RHOBTB3: variants seen among roughly 807,000 people sequenced by gnomAD.
RHOBTB3 encodes the protein Rho related BTB domain containing 3, also known as rho-related BTB domain-containing protein 3.
In RHOBTB3, 47 loss-of-function variants were observed where a neutral mutation model predicts 67.2. The observed-to-expected ratio is 0.70, with a 90% CI of 0.55 to 0.89. RHOBTB3 has a LOEUF of 0.89. Ranked by LOEUF, RHOBTB3 falls within the 40% of genes least tolerant of loss-of-function variation. RHOBTB3 has a pLI of 0.00. For synonymous variants in RHOBTB3, 273 were observed against 274.2 expected, an observed-to-expected ratio of 1.00 and a Z score of 0.04; for missense variants, 631 against 750.0, an observed-to-expected ratio of 0.84 and a Z score of 1.85.
intron 5 of RHOBTB3, among the ~76,000 whole-genome samples, chr5:95,753,112 G>C (rs1745139041): frequency 6.6e-6 from 1 of 152,004 alleles, no homozygotes; most frequent in Non-Finnish European, 1.5e-5. Flanking sequence ...ACTCTGGCCT[G>C]GGCGACAGAG....
At chr5:95,764,063 G>A (rs193058436) in intron 7 of RHOBTB3, among the ~76,000 whole-genome samples, 2 of 152,274 alleles carry the variant, frequency 1.3e-5, no homozygotes, top group East Asian at 1.9e-4. Context: ...GCCCACCGTA[G>A]CCTCCCAAGG....
rs746789243 is a variant in RHOBTB3 at position 95,788,760 on chromosome 5, A to G, written c.1624-2A>G. On this transcript the variant is annotated splice_acceptor_variant, in intron 10 of 11. Coordinates refer to ENST00000379982, the MANE Select transcript of RHOBTB3 (RefSeq NM_014899.4). LOFTEE classifies it high-confidence loss of function. ...TTATTTCACTTTTCATTTTTCTTGC[A>G]GTTTCACCACTCTGATTGCCTTTCA... is the stretch of plus-strand genomic sequence containing the variant. 6.3e-7 allele frequency: 1 copy of G among 1,579,666 alleles called. No individual in the cohort carries two copies. Among genetic ancestry groups the G allele is most frequent in the Non-Finnish European group, 8.6e-7 (1 of 1,161,724 alleles).
chr5:95,754,394 A>G (rs1745184020), intron 5 of RHOBTB3, among the ~76,000 whole-genome samples: 1 of 152,206 alleles, frequency 6.6e-6, no homozygotes. Flanking sequence ...AGGCAGTAGA[A>G]GGGAGGAGGG....
At chr5:95,757,678 T>TA (rs998779177) in intron 6 of RHOBTB3, among the ~76,000 whole-genome samples, 5 of 152,234 alleles carry the variant, frequency 3.3e-5, no homozygotes, top group Non-Finnish European at 5.9e-5. Flanking sequence ...TTTATGTGGA[T>TA]AAAAAATACA....
At chr5:95,760,363 A>G (rs942480325) in intron 6 of RHOBTB3, among the ~76,000 whole-genome samples, 6 of 152,230 alleles carry the variant, frequency 3.9e-5, no homozygotes, top group Admixed American at 1.3e-4. Flanking sequence ...TTATGGTTGC[A>G]CATTCTTGAG....
intron 2 of RHOBTB3, among the ~76,000 whole-genome samples, chr5:95,735,988 G>C (rs1299119683): frequency 6.6e-6 from 1 of 152,116 alleles, no homozygotes; most frequent in East Asian, 1.9e-4. Context: ...TGTAGTCCCA[G>C]CTACTCGGGA....
At chr5:95,723,735 G>A (rs569630951) in intron 1 of RHOBTB3, among the ~76,000 whole-genome samples, 422 of 152,040 alleles carry the variant, frequency 2.8e-3, no homozygotes, top group Non-Finnish European at 4.8e-3. Flanking sequence ...TTCCTGTCTC[G>A]CAGCCTCCCT....
At chr5:95,786,308 C>T (rs1001648305) in intron 10 of RHOBTB3, among the ~76,000 whole-genome samples, 19 of 152,316 alleles carry the variant, frequency 1.2e-4, no homozygotes, top group Middle Eastern at 3.4e-3. Context: ...CAGAATTAGA[C>T]TCCCAGTAGC....
upstream of RHOBTB3, among the ~76,000 whole-genome samples, chr5:95,727,525 T>C (rs1252709451): frequency 1.3e-5 from 2 of 152,238 alleles, no homozygotes; most frequent in Non-Finnish European, 2.9e-5. Context: ...AATGGTGGCA[T>C]TTCAGCCACT....
At chr5:95,743,700 T>C (rs1580400555) in intron 3 of RHOBTB3, among the ~76,000 whole-genome samples, 1 of 118,738 alleles carries the variant, frequency 8.4e-6, no homozygotes. Context: ...CCTCCCTTCT[T>C]CTCCTCCCCC....
chr5:95,774,896 T>A (rs929612917), intron 8 of RHOBTB3, among the ~76,000 whole-genome samples: 1 of 151,618 alleles, frequency 6.6e-6, no homozygotes, highest in African/African-American at 2.4e-5. Context: ...TTGTATTACA[T>A]ATATATATAT....
intron 8 of RHOBTB3, among the ~76,000 whole-genome samples, chr5:95,779,519 G>A (rs1200647398): frequency 6.6e-6 from 1 of 152,202 alleles, no homozygotes; most frequent in Non-Finnish European, 1.5e-5. Context: ...AGAGAGCCTA[G>A]CAAGCTTTTC....
chr5:95,783,764 A>G, intron 9 of RHOBTB3, 33 bp from the exon 10 acceptor site: 4 of 1,573,448 alleles, frequency 2.5e-6, no homozygotes, highest in Non-Finnish European at 3.5e-6. Flanking sequence ...TGGTTTCATC[A>G]TCCACTTTCT....
Position 95,783,962 on chromosome 5 carries a change from A to G in RHOBTB3, c.1622A>G (p.Lys541Arg). 1.2e-6 allele frequency: 2 copies of G among 1,610,036 alleles called. No homozygotes were observed. Among genetic ancestry groups the G allele is most frequent in the Non-Finnish European group, 1.7e-6 (2 of 1,177,112 alleles). The change falls in exon 10 of 12, where the codon AAG becomes AGG. Residue 541 changes from lysine to arginine, a missense_variant and splice_region_variant. Transcript: ENST00000379982. Reference sequence around the variant, plus strand: ...ATAGTTGACCTGCTTAAAAAGGCCAAGGTAATTGACTCTGTGTATCTGATA... The same window carrying G: ...ATAGTTGACCTGCTTAAAAAGGCCAGGGTAATTGACTCTGTGTATCTGATA... ...LDIVDLLKKA[K>R]FHHSDCLSTW...
upstream of RHOBTB3, among the ~76,000 whole-genome samples, chr5:95,730,276 T>C (rs140547361): frequency 2.1e-3 from 318 of 152,182 alleles, 2 homozygotes; most frequent in African/African-American, 7.3e-3. Flanking sequence ...AAAGAAACAG[T>C]CCAATTTTAC....
chr5:95,780,344 G>A lies in RHOBTB3; in HGVS notation c.1375G>A (p.Val459Ile). Reference sequence around the variant, plus strand: ...TGGTAATTACATGGAAGCAAAGAGTGTCCTGATTCCCGTTTATGGTGTTTC... The same window carrying A: ...TGGTAATTACATGGAAGCAAAGAGTATCCTGATTCCCGTTTATGGTGTTTC... The part of the protein sequence containing the change: ...FNGNYMEAKS[V>I]LIPVYGVSKE... Residue 459 changes from valine (V) to isoleucine (I), a missense_variant, in exon 9 of 12, where the codon GTC (valine) becomes ATC (isoleucine). By Grantham distance (29) the Val-to-Ile change is conservative. Coordinates refer to ENST00000379982, the MANE Select transcript of RHOBTB3 (RefSeq NM_014899.4). The A allele has an allele frequency of 6.2e-7, 1 of 1,613,870 alleles. No individual in the cohort carries two copies. Among genetic ancestry groups the A allele is most frequent in the South Asian group, 1.1e-5 (1 of 91,076 alleles).
At chr5:95,731,743 G>A in intron 1 of RHOBTB3, 59 bp downstream of exon 1, 1 of 1,609,984 alleles carries the variant, frequency 6.2e-7, no homozygotes, top group East Asian at 2.2e-5. Flanking sequence ...TGCGCCCCAG[G>A]GACAGGGGCT....
chr5:95,731,569 G>A lies in RHOBTB3; in HGVS notation c.-114G>A. The A allele has an allele frequency of 2.7e-6, 4 of 1,506,174 alleles. No homozygotes were observed. Among genetic ancestry groups the A allele is most frequent in the Admixed American group, 2.1e-5 (1 of 46,678 alleles). 93.3% of individuals were successfully genotyped at this position (1,506,174 alleles called of 1,614,324 possible). On this transcript the variant is annotated 5_prime_UTR_variant, in exon 1 of 12. Coordinates refer to ENST00000379982, the MANE Select transcript of RHOBTB3 (RefSeq NM_014899.4). ...CCCCGCCGCGGTGGAGGCGCGCGAG[G>A]GGGACGCGGCCGGGGATGAGCGGAT... is the stretch of plus-strand genomic sequence containing the variant.
chr5:95,783,035 A>G (rs1479243090), intron 9 of RHOBTB3, among the ~76,000 whole-genome samples: 2 of 151,648 alleles, frequency 1.3e-5, no homozygotes, highest in African/African-American at 4.8e-5. Flanking sequence ...GAATTAAAAA[A>G]AAATAGATTC....
Sources: allele counts gnomAD v4.1 joint callset (sites outside exome capture counted in the v4.1 genomes callset), GRCh38; gene constraint gnomAD v4.1.1; transcripts MANE v1.5; gene names NCBI Gene and HGNC (gene_info 2026-07-23, HGNC 2026-07-21).